PTPRG: variants seen among roughly 807,000 people sequenced by gnomAD.
PTPRG encodes the protein protein tyrosine phosphatase receptor type G.
In PTPRG, 102 loss-of-function variants were observed where a neutral mutation model predicts 165.3. That is an observed-to-expected ratio of 0.62 (90% CI 0.53 to 0.73). The LOEUF is 0.73. Among genes scored for constraint, PTPRG ranks in the 30% least tolerant of loss-of-function variants. The probability of loss-of-function intolerance (pLI) is 0.00; values close to 1 mark genes in which losing one functional copy is unlikely to be tolerated. For missense variants in PTPRG, 1,866 were observed against 1,861.4 expected (o/e 1.00, Z -0.05); for synonymous variants, 675 against 669.5 (o/e 1.01, Z -0.13).
rs923111468 is a variant in PTPRG at position 62,252,020 on chromosome 3, T to C, written c.2468-3104T>C. The stretch of plus-strand genomic sequence containing the variant: ...TCTACCAGCTTTATCATTATCCTGC[T>C]TTTGTTATACCATAATAATCTCTCA... On this transcript the variant is annotated intron_variant, in intron 15 of 29. Coordinates refer to ENST00000474889, the MANE Select transcript of PTPRG (RefSeq NM_002841.4). The surrounding 1 kb of genome is among the most constrained non-coding windows in gnomAD (Gnocchi z 4.6). Among the ~76,000 whole-genome samples the C allele has an allele frequency of 2.6e-5, 4 of 152,218 alleles. No individual in the cohort carries two copies. Among genetic ancestry groups the C allele is most frequent in the African/African-American group, 9.6e-5 (4 of 41,458 alleles).
chr3:62,094,228 C>T (rs1479334059), intron 5 of PTPRG, among the ~76,000 whole-genome samples: 1 of 152,132 alleles, frequency 6.6e-6, no homozygotes, highest in Non-Finnish European at 1.5e-5. Context: ...TAGGCTGCCT[C>T]CTACCCTCCT....
At chr3:62,007,805 A>G (rs1032869742) in intron 4 of PTPRG, among the ~76,000 whole-genome samples, 1 of 152,254 alleles carries the variant, frequency 6.6e-6, no homozygotes, top group Non-Finnish European at 1.5e-5. Flanking sequence ...GCTTCCTAGT[A>G]GAATAAGGAT....
chr3:62,188,210 T>C (rs1699713110), intron 8 of PTPRG, among the ~76,000 whole-genome samples: 1 of 151,414 alleles, frequency 6.6e-6, no homozygotes, highest in Non-Finnish European at 1.5e-5. Flanking sequence ...CCCGTCTCTA[T>C]TTTAAAAATT....
chr3:61,898,968 G>GCGCCATCATGGCTCACTGTAGC (rs2038431572), intron 2 of PTPRG, among the ~76,000 whole-genome samples: 1 of 152,012 alleles, frequency 6.6e-6, no homozygotes, highest in South Asian at 2.1e-4. Context: ...GAGTGCGGCG[G>GCGCCATCATGGCTCACTGTAGC]CGCCATCATG....
chr3:61,674,130 T>C (rs1703131923), intron 1 of PTPRG, among the ~76,000 whole-genome samples: 1 of 151,358 alleles, frequency 6.6e-6, no homozygotes, highest in Admixed American at 6.6e-5. Flanking sequence ...TGTATACCTA[T>C]GTAACAAACC....
chr3:62,270,005 TTA>T (rs1470481180), intron 20 of PTPRG, among the ~76,000 whole-genome samples: 3 of 152,172 alleles, frequency 2.0e-5, no homozygotes, highest in Admixed American at 6.5e-5. Context: ...ATAATAAAAG[TTA>T]TATGAATATA....
intron 5 of PTPRG, among the ~76,000 whole-genome samples, chr3:62,126,461 A>G (rs575380661): frequency 6.6e-6 from 1 of 152,304 alleles, no homozygotes. Context: ...ATTAGCATTT[A>G]TAATTGTGTT....
At chr3:62,144,832 C>A (rs1433111746) in intron 6 of PTPRG, among the ~76,000 whole-genome samples, 1 of 152,078 alleles carries the variant, frequency 6.6e-6, no homozygotes, top group Non-Finnish European at 1.5e-5. Context: ...GTATTGTTAA[C>A]AATAATGTTA....
At chr3:61,881,922 C>T (rs188503712) in intron 2 of PTPRG, among the ~76,000 whole-genome samples, 58 of 152,298 alleles carry the variant, frequency 3.8e-4, no homozygotes, top group South Asian at 1.2e-3. Flanking sequence ...GACAGTCCTG[C>T]CCAACTCTTT....
rs144000603 is a variant in PTPRG at position 61,719,704 on chromosome 3, T to C, written c.86-29174T>C. The stretch of plus-strand genomic sequence containing the variant: ...TAATCAATTCTGAAGTCTCTCTGAA[T>C]TGAGGCCATGTGTGGTTGGGGTTTG... On this transcript the variant is annotated intron_variant, in intron 1 of 29. Transcript: ENST00000474889. 2.0e-5 allele frequency among the ~76,000 whole-genome samples: 3 copies of C among 152,354 alleles called. No individual in the cohort carries two copies. The East Asian group carries it at 5.8e-4, about 29-fold the overall frequency.
Position 61,756,887 on chromosome 3 carries a change from G to A in PTPRG, c.190+7905G>A, listed in dbSNP as rs1006182242. Among the ~76,000 whole-genome samples, 3 of 152,236 alleles carry A rather than the reference G, an allele frequency of 2.0e-5. No individual in the cohort carries two copies. The South Asian group carries it at 6.2e-4, about 32-fold the overall frequency. Reference sequence around the variant, plus strand: ...GTTTTAAAGTGACTCTGAAGGTAGTGGGGTGATGGATCCTTTTTGGAGGAG... The same window carrying A: ...GTTTTAAAGTGACTCTGAAGGTAGTAGGGTGATGGATCCTTTTTGGAGGAG... On this transcript the variant is annotated intron_variant, in intron 2 of 29. Coordinates refer to ENST00000474889, the MANE Select transcript of PTPRG (RefSeq NM_002841.4).
At position 62,240,358 on chromosome 3, in the gene PTPRG, C is replaced by A. The variant is rs762336770; in HGVS notation, c.2376-3449C>A. 6.6e-6 allele frequency among the ~76,000 whole-genome samples: 1 copy of A among 151,972 alleles called. No individual in the cohort carries two copies. The highest frequency in any genetic ancestry group is 2.4e-5 in the African/African-American group (1 of 41,354). ...TCAAAATAAAATAAAATACATACTC[C>A]CCCAATACCCAGAAAAAAAAATGGA... On this transcript the variant is annotated intron_variant, in intron 14 of 29. Transcript: ENST00000474889. The surrounding 1 kb of genome is among the most constrained non-coding windows in gnomAD (Gnocchi z 5.1).
Position 62,192,057 on chromosome 3 carries a change from C to T in PTPRG, c.1218+404C>T, listed in dbSNP as rs146900684. Among the ~76,000 whole-genome samples the T allele has an allele frequency of 1.8e-3, 281 of 152,242 alleles. 1 individual carries two copies. The highest frequency in any genetic ancestry group is 2.9e-3 in the Non-Finnish European group (194 of 68,026). On this transcript the variant is annotated intron_variant, in intron 9 of 29. Coordinates refer to ENST00000474889, the MANE Select transcript of PTPRG (RefSeq NM_002841.4). ...TATAAATATTAACTATTATTTATTA[C>T]GATCATTCTCCTCTTCCTCTTCCCC...
chr3:62,071,551 G>T (rs1356133314), intron 4 of PTPRG, among the ~76,000 whole-genome samples: 1 of 152,154 alleles, frequency 6.6e-6, no homozygotes, highest in Non-Finnish European at 1.5e-5. Flanking sequence ...CACTCAGTCA[G>T]CTTTGGCACT....
intron 2 of PTPRG, among the ~76,000 whole-genome samples, chr3:61,981,387 C>T (rs1308896367): frequency 6.6e-6 from 1 of 152,234 alleles, no homozygotes. Context: ...TGGGTTAACA[C>T]CCTTTGCTGA....
At chr3:62,101,587 C>T (rs1702291353) in intron 5 of PTPRG, among the ~76,000 whole-genome samples, 1 of 152,210 alleles carries the variant, frequency 6.6e-6, no homozygotes, top group South Asian at 2.1e-4. Context: ...AGACTCTCAG[C>T]CTTCCAGGCC....
intron 2 of PTPRG, among the ~76,000 whole-genome samples, chr3:61,963,237 AC>A (rs2040194350): frequency 6.6e-6 from 1 of 152,180 alleles, no homozygotes; most frequent in South Asian, 2.1e-4. Context: ...GGTTTTAAAT[AC>A]CATTTTATAT....
rs777472818 is a variant in PTPRG, at chr3:62,195,073, T to A, written c.1230T>A (p.Ile410=). 1.9e-6 allele frequency: 3 copies of A among 1,614,140 alleles called. No individual in the cohort carries two copies. Among genetic ancestry groups the A allele is most frequent in the Non-Finnish European group, 2.5e-6 (3 of 1,179,998 alleles). The change falls in exon 10 of 30, where the codon ATT becomes ATA. Residue 410 remains isoleucine, a synonymous_variant. Coordinates refer to ENST00000474889, the MANE Select transcript of PTPRG (RefSeq NM_002841.4). This position sits in a 1 kb window ranked among gnomAD's most constrained non-coding sequence, Gnocchi z 4.4. Reference sequence around the variant, plus strand: ...TTCTTTACTTACAGAAAGCCACCATTAGCCATGTCTCACCCGATAGCCTTT... The same window carrying A: ...TTCTTTACTTACAGAAAGCCACCATAAGCCATGTCTCACCCGATAGCCTTT... ...KDSDKDLKAT[I]SHVSPDSLYL... is the part of the protein sequence containing the mutation.
At chr3:61,783,828 G>A (rs368185414) in intron 2 of PTPRG, among the ~76,000 whole-genome samples, 71 of 152,266 alleles carry the variant, frequency 4.7e-4, no homozygotes, top group African/African-American at 1.4e-3. Context: ...GGGCCTTGTC[G>A]TGGAGAGCCT....
Sources: gnomAD v4.1 joint callset for allele counts (sites outside exome capture counted in the v4.1 genomes callset) on GRCh38, gnomAD v4.1.1 for gene constraint, Gnocchi (gnomAD v3.1) non-coding constraint, MANE v1.5 for transcripts, NCBI Gene and HGNC (gene_info 2026-07-23, HGNC 2026-07-21) for gene names.